The following PDE1C variants were observed in gnomAD, a reference collection of about 807,000 sequenced individuals.
The protein encoded by PDE1C is phosphodiesterase 1C, also known as dual specificity calcium/calmodulin-dependent 3',5'-cyclic nucleotide phosphodiesterase 1C.
In PDE1C, 62 loss-of-function variants were observed where a neutral mutation model predicts 93.1. The ratio of observed to expected loss-of-function variants is 0.67; its 90% confidence interval spans 0.54 to 0.82. The LOEUF (loss-of-function observed/expected upper bound fraction) is 0.82. Among genes scored for constraint, PDE1C ranks in the 40% least tolerant of loss-of-function variants. The pLI is 0.00. For missense variants in PDE1C, 742 were observed against 884.6 expected, an observed-to-expected ratio of 0.84 and a Z score of 2.04; for synonymous variants, 325 against 310.1, an observed-to-expected ratio of 1.05 and a Z score of -0.50.
chr7:32,223,633 A>C (rs55774540), intron 1 of PDE1C, among the ~76,000 whole-genome samples: 2,205 of 152,294 alleles, frequency 0.014, 49 homozygotes, highest in East Asian at 0.11. Flanking sequence ...ATGTGCTTAC[A>C]TATTTCTCCA....
intron 1 of PDE1C, among the ~76,000 whole-genome samples, chr7:32,329,028 T>C (rs777269915): frequency 6.6e-6 from 1 of 152,128 alleles, no homozygotes; most frequent in African/African-American, 2.4e-5. Flanking sequence ...GCTCAGGAGT[T>C]TGAGACCAGC....
chr7:31,965,885 A>C (rs916039773), intron 2 of PDE1C, among the ~76,000 whole-genome samples: 1 of 152,220 alleles, frequency 6.6e-6, no homozygotes, highest in African/African-American at 2.4e-5. Flanking sequence ...GAGAAATAAA[A>C]TACTTTACAG....
At chr7:32,204,047 G>A (rs1436591780) in intron 2 of PDE1C, among the ~76,000 whole-genome samples, 1 of 152,070 alleles carries the variant, frequency 6.6e-6, no homozygotes, top group East Asian at 1.9e-4. Context: ...AGTGCACTTA[G>A]AAATTGCACT....
At chr7:31,761,102 G>GGGTGAGGAAACTAAGGCTTAGAGA (rs756849102) in intron 17 of PDE1C, among the ~76,000 whole-genome samples, 1 of 151,450 alleles carries the variant, frequency 6.6e-6, no homozygotes, top group Non-Finnish European at 1.5e-5. Flanking sequence ...CATGTATTTT[G>GGGTGAGGAAACTAAGGCTTAGAGA]GCTAAAGTAA....
At chr7:31,988,141 C>T (rs1783657811) in intron 2 of PDE1C, among the ~76,000 whole-genome samples, 1 of 152,216 alleles carries the variant, frequency 6.6e-6, no homozygotes, top group Non-Finnish European at 1.5e-5. Context: ...CTGCCCGTCC[C>T]ACTGTGGCTT....
At chr7:31,908,577 T>C (rs1360349123) in intron 2 of PDE1C, among the ~76,000 whole-genome samples, 7 of 152,182 alleles carry the variant, frequency 4.6e-5, no homozygotes, top group Admixed American at 6.5e-5. Flanking sequence ...GGAATACATA[T>C]TCTGACTTTG....
intron 3 of PDE1C, among the ~76,000 whole-genome samples, chr7:32,152,293 C>T (rs1801308142): frequency 6.6e-6 from 1 of 152,176 alleles, no homozygotes; most frequent in African/African-American, 2.4e-5. Flanking sequence ...TTTTTCTGAA[C>T]CCACTTTGCT....
chr7:32,022,433 G>A (rs1181431292), intron 2 of PDE1C, among the ~76,000 whole-genome samples: 1 of 152,026 alleles, frequency 6.6e-6, no homozygotes, highest in Non-Finnish European at 1.5e-5. Context: ...GGTGGGATTT[G>A]AAGAACAGGT....
chr7:31,962,239 T>C (rs1302981985), intron 2 of PDE1C, among the ~76,000 whole-genome samples: 2 of 152,246 alleles, frequency 1.3e-5, no homozygotes, highest in Non-Finnish European at 2.9e-5. Context: ...GTATTGCTAC[T>C]GTTAAGACCT....
intron 1 of PDE1C, among the ~76,000 whole-genome samples, chr7:32,286,314 C>A (rs1273256298): frequency 6.6e-6 from 1 of 152,194 alleles, no homozygotes; most frequent in Non-Finnish European, 1.5e-5. Context: ...TCTCAGATAA[C>A]CAATGTAGTG....
Position 31,752,085 on chromosome 7 carries a change from T to C in PDE1C, c.*1299A>G, listed in dbSNP as rs1794168409. ...GAGTGTGTATATGAATCCTAGTTTC[T>C]AGTTAAGCAAATGGAGGCATCAAAA... is the stretch of plus-strand genomic sequence containing the variant. On this transcript the variant is annotated 3_prime_UTR_variant, in exon 18 of 18. Transcript: ENST00000396191. The C allele has an allele frequency of 6.6e-6, 1 of 152,188 alleles. No homozygotes were observed. The highest frequency in any genetic ancestry group is 2.4e-5 in the African/African-American group (1 of 41,452). 9.4% of individuals were successfully genotyped at this position (152,188 alleles called of 1,614,324 possible).
intron 17 of PDE1C, among the ~76,000 whole-genome samples, chr7:31,757,218 A>C (rs577140632): frequency 6.6e-6 from 1 of 152,370 alleles, no homozygotes; most frequent in South Asian, 2.1e-4. Context: ...TAACCTCATT[A>C]CTAGAAAATA....
At chr7:31,814,991 A>G (rs7791180) in intron 15 of PDE1C, among the ~76,000 whole-genome samples, 35,352 of 151,728 alleles carry the variant, frequency 0.23, 4,236 homozygotes, top group Middle Eastern at 0.38. Context: ...CTAAACAAGG[A>G]AACCAAATCA....
the PDE1C span, among the ~76,000 whole-genome samples, chr7:31,719,228 T>A: frequency 6.6e-6 from 1 of 152,318 alleles, no homozygotes; most frequent in African/African-American, 2.4e-5. Context: ...GAACACTCTA[T>A]GGCTCCCAGC....
the PDE1C span, among the ~76,000 whole-genome samples, chr7:31,632,030 G>T: frequency 1.5e-4 from 23 of 152,104 alleles, no homozygotes; most frequent in Non-Finnish European, 3.1e-4. Context: ...CCAGTAGAAG[G>T]TTCCACCATG....
intron 2 of PDE1C, among the ~76,000 whole-genome samples, chr7:32,170,681 G>C (rs1343308324): frequency 6.6e-6 from 1 of 152,124 alleles, no homozygotes; most frequent in African/African-American, 2.4e-5. Context: ...CTACATGCAT[G>C]TGCCCAACAC....
At chr7:31,677,685 G>A in the PDE1C span, among the ~76,000 whole-genome samples, 2 of 152,254 alleles carry the variant, frequency 1.3e-5, no homozygotes, top group East Asian at 3.9e-4. Context: ...AGTACCTTAT[G>A]TATTAGAAAA....
chr7:32,387,370 A>G lies in PDE1C; in HGVS notation c.310+40452T>C, dbSNP rs1214475268. ...AAAACCGCCATTGTCATCATGGCCCATCCCCAATGAGCCGCTGGGCACACC... is the reference window on the plus strand; with the variant it reads ...AAAACCGCCATTGTCATCATGGCCCGTCCCCAATGAGCCGCTGGGCACACC... On this transcript the variant is annotated intron_variant, in intron 1 of 1. Transcript: ENST00000672256. Among the ~76,000 whole-genome samples, 88 of 151,556 alleles carry G rather than the reference A, an allele frequency of 5.8e-4. 1 individual carries two copies. The Middle Eastern group carries it at 0.01, about 18-fold the overall frequency.
At chr7:31,919,807 G>T (rs2128956282) in intron 2 of PDE1C, among the ~76,000 whole-genome samples, 1 of 152,332 alleles carries the variant, frequency 6.6e-6, no homozygotes, top group Non-Finnish European at 1.5e-5. Context: ...GCAAGGGTAA[G>T]TGTTGAAACC....
Sources: gnomAD v4.1 joint callset for allele counts (sites outside exome capture counted in the v4.1 genomes callset) on GRCh38, gnomAD v4.1.1 for gene constraint, MANE v1.5 for transcripts, NCBI Gene and HGNC (gene_info 2026-07-23, HGNC 2026-07-21) for gene names.